Variants in SPAG1 observed in about 807,000 individuals in gnomAD.
SPAG1 encodes the protein sperm associated antigen 1, also known as sperm-associated antigen 1.
Under a neutral mutation model 100.5 loss-of-function variants are expected in SPAG1, and 69 were observed. That is an observed-to-expected ratio of 0.69 (90% CI 0.57 to 0.84). The LOEUF is 0.84. SPAG1 is among the 40% of genes least tolerant of loss of function. The pLI, the probability that SPAG1 is intolerant of heterozygous loss-of-function variation, is 0.00. For synonymous variants in SPAG1, 336 were observed against 411.6 expected, an observed-to-expected ratio of 0.82 and a Z score of 2.22; for missense variants, 955 against 1,133.1, an observed-to-expected ratio of 0.84 and a Z score of 2.26.
At chr8:100,204,089 G>GAT (rs888911183) in intron 10 of SPAG1, among the ~76,000 whole-genome samples, 1 of 152,170 alleles carries the variant, frequency 6.6e-6, no homozygotes, top group Non-Finnish European at 1.5e-5. Flanking sequence ...TCCCCTCCCT[G>GAT]ATCCATGCTG....
chr8:100,184,352 C>T (rs972606393), intron 6 of SPAG1, among the ~76,000 whole-genome samples: 5 of 151,364 alleles, frequency 3.3e-5, no homozygotes, highest in Admixed American at 2.0e-4. Context: ...AAATTGTTTT[C>T]TTTTTGCTTC....
intron 16 of SPAG1, among the ~76,000 whole-genome samples, chr8:100,237,734 C>T (rs962294378): frequency 5.9e-5 from 9 of 152,138 alleles, no homozygotes; most frequent in African/African-American, 1.9e-4. Context: ...CCATTCTGCC[C>T]TCTTCATGCT....
Position 100,213,124 on chromosome 8 carries a change from C to G in SPAG1, c.1131C>G (p.Ala377=). The change falls in exon 11 of 19, where the codon GCC becomes GCG. Residue 377 remains alanine, a synonymous_variant. Coordinates refer to ENST00000388798, the MANE Select transcript of SPAG1 (RefSeq NM_003114.5). ...PAEPAGAARA[A]QPCVMGNIQK... is the part of the protein sequence containing the mutation. Reference sequence around the variant, plus strand: ...AGCCGGCGGGAGCCGCGCGCGCCGCCCAGCCGTGCGTCATGGGCAACATCC... The same window carrying G: ...AGCCGGCGGGAGCCGCGCGCGCCGCGCAGCCGTGCGTCATGGGCAACATCC... The G allele has an allele frequency of 2.0e-6, 3 of 1,484,768 alleles. No homozygotes were observed. The highest frequency in any genetic ancestry group is 2.7e-6 in the Non-Finnish European group (3 of 1,124,800). 92.0% of individuals were successfully genotyped at this position (1,484,768 alleles called of 1,614,324 possible). A position where few individuals can be genotyped will look rare whatever the true frequency, so the allele number is the denominator to read the frequency against.
At chr8:100,220,144 G>GT in intron 12 of SPAG1, 135 bp from the exon 13 acceptor site, 2 of 671,018 alleles carry the variant, frequency 3.0e-6, no homozygotes, top group Middle Eastern at 3.5e-4. Context: ...TTTCTGGCAT[G>GT]TTGCCTGGTT....
chr8:100,186,060 CTTT>C (rs71274962), intron 7 of SPAG1, among the ~76,000 whole-genome samples: 1 of 89,984 alleles, frequency 1.1e-5, no homozygotes, highest in African/African-American at 4.3e-5. Flanking sequence ...TGGGCAGATT[CTTT>C]TTTTTTTTTT....
intron 10 of SPAG1, 55 bp from the exon 11 acceptor site, chr8:100,213,035 C>CGGCCTCCGA: frequency 7.4e-7 from 1 of 1,349,972 alleles, no homozygotes; most frequent in South Asian, 1.6e-5. Context: ...GCGGCCTCCG[C>CGGCCTCCGA]GGCAACTGCT....
At chr8:100,178,227 G>A (rs927368004) in intron 4 of SPAG1, among the ~76,000 whole-genome samples, 5 of 149,810 alleles carry the variant, frequency 3.3e-5, no homozygotes, top group South Asian at 2.1e-4. Flanking sequence ...TGTCTCTTCC[G>A]TCCAGTTTTG....
chr8:100,201,859 C>G (rs1353246035), intron 10 of SPAG1, among the ~76,000 whole-genome samples: 1 of 152,202 alleles, frequency 6.6e-6, no homozygotes, highest in East Asian at 1.9e-4. Flanking sequence ...CCCTAGGCAC[C>G]TCTTCCTCTG....
In SPAG1 at chr8:100,231,139, GT is replaced by G. The variant is rs750067550; in HGVS notation, c.1856-10del. On this transcript the variant is annotated splice_polypyrimidine_tract_variant and intron_variant, in intron 14 of 18. Transcript: ENST00000388798. Reference sequence around the variant, plus strand: ...CTTGTACAGATACTTCCTCTTCTTTGTTTTTTTGTCCCATAGATGAAAAAAC... The same window carrying G: ...CTTGTACAGATACTTCCTCTTCTTTGTTTTTTGTCCCATAGATGAAAAAAC... The G allele has an allele frequency of 3.8e-6, 6 of 1,588,948 alleles. No homozygotes were observed. The highest frequency in any genetic ancestry group is 1.8e-5 in the Admixed American group (1 of 55,014).
Position 100,239,152 on chromosome 8 carries a change from A to G in SPAG1, c.2116-88A>G. The G allele has an allele frequency of 1.3e-6, 1 of 763,324 alleles. No homozygotes were observed. The highest frequency in any genetic ancestry group is 2.7e-5 in the Admixed American group (1 of 36,538). The allele number at this position is 763,324 out of a possible 1,614,324, so 47.3% of individuals were successfully genotyped here. On this transcript the variant is annotated intron_variant, in intron 16 of 18. Transcript: ENST00000388798. The surrounding 1 kb of genome is among the most constrained non-coding windows in gnomAD (Gnocchi z 5.0). Reference sequence around the variant, plus strand: ...TGTGGACCCTGCACACATACTGCACAGCTCACTACATCCACCCCACTCCCA... The same window carrying G: ...TGTGGACCCTGCACACATACTGCACGGCTCACTACATCCACCCCACTCCCA...
chr8:100,233,742 T>C (rs758795686), intron 16 of SPAG1, among the ~76,000 whole-genome samples: 1 of 152,238 alleles, frequency 6.6e-6, no homozygotes, highest in Non-Finnish European at 1.5e-5. Context: ...CTTCTAAGAT[T>C]CCTTCCAGCT....
chr8:100,161,982 C>G (rs555045599), intron 1 of SPAG1, among the ~76,000 whole-genome samples: 115 of 152,314 alleles, frequency 7.6e-4, no homozygotes, highest in Middle Eastern at 3.4e-3. Context: ...GGTTCATCTG[C>G]ATCTCGTTAT....
chr8:100,226,316 A>G (rs1315538613), intron 14 of SPAG1, among the ~76,000 whole-genome samples: 1 of 152,152 alleles, frequency 6.6e-6, no homozygotes, highest in African/African-American at 2.4e-5. Context: ...GGAATGTATT[A>G]ATAAATGTCT....
rs774060508 is a variant in SPAG1, at chr8:100,184,749, T to C, written c.701+16T>C. ...ATTATACCAGGTGAGCAGATGTTTGTTGGGGTTTAAACTTGCCTTTTAAAA... is the reference window on the plus strand; with the variant it reads ...ATTATACCAGGTGAGCAGATGTTTGCTGGGGTTTAAACTTGCCTTTTAAAA... On this transcript the variant is annotated intron_variant, in intron 7 of 18. Transcript: ENST00000388798. 1.4e-6 allele frequency: 2 copies of C among 1,466,240 alleles called. No individual in the cohort carries two copies. Among genetic ancestry groups the C allele is most frequent in the South Asian group, 1.2e-5 (1 of 80,240 alleles). 90.8% of individuals were successfully genotyped at this position (1,466,240 alleles called of 1,614,324 possible). A position where few individuals can be genotyped will look rare whatever the true frequency, so the allele number is the denominator to read the frequency against.
intron 14 of SPAG1, among the ~76,000 whole-genome samples, chr8:100,229,936 C>A (rs183714097): frequency 6.6e-6 from 1 of 152,128 alleles, no homozygotes; most frequent in African/African-American, 2.4e-5. Flanking sequence ...CTCTGATGGC[C>A]CCATTTTCAC....
intron 7 of SPAG1, among the ~76,000 whole-genome samples, chr8:100,185,580 C>A (rs1586431349): frequency 1.3e-5 from 2 of 152,320 alleles, no homozygotes; most frequent in Non-Finnish European, 2.9e-5. Flanking sequence ...GTACCTGGTT[C>A]ATAGTAGATG....
rs202162738 is a variant in SPAG1, at chr8:100,168,375, C to G, written c.300+2402C>G. On this transcript the variant is annotated intron_variant, in intron 3 of 18. Coordinates refer to ENST00000388798, the MANE Select transcript of SPAG1 (RefSeq NM_003114.5). ...TCCTTTGCCCGTTAAAAAAAAATTG[C>G]CTTGTGTTCTTATTGAGTTGCCAAA... 5.3e-5 allele frequency among the ~76,000 whole-genome samples: 8 copies of G among 152,112 alleles called. No individual in the cohort carries two copies. The East Asian group carries it at 1.5e-3, about 29-fold the overall frequency.
At chr8:100,185,753 GA>G (rs762942931) in intron 7 of SPAG1, among the ~76,000 whole-genome samples, 7 of 152,280 alleles carry the variant, frequency 4.6e-5, no homozygotes, top group Admixed American at 1.3e-4. Flanking sequence ...AAATAAGATA[GA>G]TTTTTTTCAA....
chr8:100,181,513 C>A (rs1816365580), intron 4 of SPAG1, among the ~76,000 whole-genome samples: 1 of 152,196 alleles, frequency 6.6e-6, no homozygotes, highest in Non-Finnish European at 1.5e-5. Context: ...TGGCATAAAA[C>A]AACAGAAATG....
Sources: gnomAD v4.1 joint callset for allele counts (sites outside exome capture counted in the v4.1 genomes callset) on GRCh38, gnomAD v4.1.1 for gene constraint, Gnocchi (gnomAD v3.1) non-coding constraint, MANE v1.5 for transcripts, NCBI Gene and HGNC (gene_info 2026-07-23, HGNC 2026-07-21) for gene names.